RFTN2: variants seen among roughly 807,000 people sequenced by gnomAD.
RFTN2 encodes the protein raftlin family member 2.
In RFTN2, 34 loss-of-function variants were observed where a neutral mutation model predicts 52.7. The ratio of observed to expected loss-of-function variants is 0.64; its 90% confidence interval spans 0.49 to 0.86. RFTN2 has a LOEUF of 0.86. Among genes scored for constraint, RFTN2 ranks in the 40% least tolerant of loss-of-function variants. RFTN2 has a pLI of 0.00. For synonymous variants in RFTN2, 203 were observed against 217.7 expected (o/e 0.93, Z 0.59); for missense variants, 536 against 600.1 (o/e 0.89, Z 1.12).
intron 1 of RFTN2, among the ~76,000 whole-genome samples, chr2:197,650,340 T>C (rs1376562706): frequency 2.0e-5 from 3 of 152,176 alleles, no homozygotes; most frequent in Non-Finnish European, 2.9e-5. Context: ...TTTGACTACA[T>C]TAGATACCTC....
At chr2:197,605,663 C>G (rs928317127) in intron 7 of RFTN2, among the ~76,000 whole-genome samples, 6 of 152,104 alleles carry the variant, frequency 3.9e-5, no homozygotes, top group African/African-American at 1.4e-4. Context: ...CTGCAACGTC[C>G]GCTCCCATGC....
At chr2:197,651,639 C>CA (rs879639944) in intron 1 of RFTN2, among the ~76,000 whole-genome samples, 113 of 150,652 alleles carry the variant, frequency 7.5e-4, no homozygotes, top group Middle Eastern at 6.8e-3. Context: ...ACAAAAACAA[C>CA]AAAAAAAAAG....
Position 197,634,010 on chromosome 2 carries a change from A to G in RFTN2, c.439-13T>C. The G allele has an allele frequency of 6.3e-7, 1 of 1,595,818 alleles. No individual in the cohort carries two copies. The highest frequency in any genetic ancestry group is 1.1e-5 in the South Asian group (1 of 88,760). On this transcript the variant is annotated splice_polypyrimidine_tract_variant and intron_variant, in intron 3 of 8. Transcript: ENST00000295049. Reference sequence around the variant, plus strand: ...CAGCGACATTAATCTGATATTTAAAAAGAGATGGCAGAACAAAATGTAAAC... The same window carrying G: ...CAGCGACATTAATCTGATATTTAAAGAGAGATGGCAGAACAAAATGTAAAC...
intron 7 of RFTN2, among the ~76,000 whole-genome samples, chr2:197,604,773 T>C (rs2087932727): frequency 7.7e-6 from 1 of 130,168 alleles, no homozygotes; most frequent in Admixed American, 8.2e-5. Flanking sequence ...TTTATTTATT[T>C]ATTTTGAGAC....
At chr2:197,622,042 C>T (rs923220417) in intron 5 of RFTN2, among the ~76,000 whole-genome samples, 1 of 152,164 alleles carries the variant, frequency 6.6e-6, no homozygotes, top group African/African-American at 2.4e-5. Context: ...ACAAGCAGTC[C>T]CTTAAGCCAA....
At chr2:197,634,099 T>C (rs1325773284) in intron 3 of RFTN2, 102 bp from the exon 4 acceptor site, 1 of 961,042 alleles carries the variant, frequency 1.0e-6, no homozygotes, top group African/African-American at 1.6e-5. Flanking sequence ...CACTAGAAGA[T>C]GGAGTAACTT....
chr2:197,670,810 C>T (rs1178374121), intron 1 of RFTN2, among the ~76,000 whole-genome samples: 1 of 152,208 alleles, frequency 6.6e-6, no homozygotes, highest in Non-Finnish European at 1.5e-5. Context: ...TGACCACAGA[C>T]GGACTCCCTT....
At chr2:197,637,573 G>A (rs1260979878) in intron 3 of RFTN2, among the ~76,000 whole-genome samples, 1 of 152,160 alleles carries the variant, frequency 6.6e-6, no homozygotes, top group Non-Finnish European at 1.5e-5. Context: ...ATTTCTGTGG[G>A]ATTGGTGGTG....
chr2:197,631,731 C>T (rs1401274246), intron 4 of RFTN2, among the ~76,000 whole-genome samples: 2 of 152,130 alleles, frequency 1.3e-5, no homozygotes, highest in Non-Finnish European at 2.9e-5. Flanking sequence ...TTATTACCAA[C>T]TTTGTATCTC....
At chr2:197,605,942 T>C (rs1360821068) in intron 7 of RFTN2, among the ~76,000 whole-genome samples, 2 of 152,160 alleles carry the variant, frequency 1.3e-5, no homozygotes, top group African/African-American at 4.8e-5. Flanking sequence ...CTTTATTGAT[T>C]CCTCTACCAT....
intron 1 of RFTN2, 104 bp from the exon 2 acceptor site, chr2:197,646,770 C>T: frequency 3.2e-6 from 3 of 950,878 alleles, no homozygotes; most frequent in Non-Finnish European, 4.6e-6. Flanking sequence ...AAGATCTTGG[C>T]CGGGTGCAAT....
intron 1 of RFTN2, among the ~76,000 whole-genome samples, chr2:197,653,234 A>G (rs2088848666): frequency 6.6e-6 from 1 of 152,226 alleles, no homozygotes; most frequent in Non-Finnish European, 1.5e-5. Context: ...TGAATGGATA[A>G]GTAAACTGTT....
At chr2:197,653,872 C>A (rs1321829827) in intron 1 of RFTN2, among the ~76,000 whole-genome samples, 6 of 152,126 alleles carry the variant, frequency 3.9e-5, no homozygotes, top group African/African-American at 9.7e-5. Context: ...TGTCTAAGTA[C>A]ACTTTCACAA....
intron 8 of RFTN2, among the ~76,000 whole-genome samples, chr2:197,576,157 C>T (rs141905926): frequency 0.018 from 2,707 of 151,876 alleles, 38 homozygotes; most frequent in South Asian, 0.028. Flanking sequence ...TCCAGGCATG[C>T]GCCACCTTGC....
intron 7 of RFTN2, among the ~76,000 whole-genome samples, chr2:197,611,964 G>A (rs1453680717): frequency 1.3e-5 from 2 of 152,198 alleles, no homozygotes; most frequent in African/African-American, 4.8e-5. Context: ...TGATTGCACT[G>A]TGGTCTGAGA....
chr2:197,654,755 T>G (rs1439757593), intron 1 of RFTN2, among the ~76,000 whole-genome samples: 1 of 152,124 alleles, frequency 6.6e-6, no homozygotes, highest in East Asian at 1.9e-4. Context: ...CCCAGCACTT[T>G]GGGAGGCCGC....
At chr2:197,635,383 T>A (rs1445244116) in intron 3 of RFTN2, among the ~76,000 whole-genome samples, 1 of 152,206 alleles carries the variant, frequency 6.6e-6, no homozygotes, top group Non-Finnish European at 1.5e-5. Flanking sequence ...TTTCTCCACA[T>A]CCTCTCCAGC....
chr2:197,590,471 C>T (rs886762767), intron 8 of RFTN2, among the ~76,000 whole-genome samples: 15 of 152,108 alleles, frequency 9.9e-5, no homozygotes, highest in Non-Finnish European at 1.6e-4. Flanking sequence ...TCCAATGATA[C>T]GCTTTCTTCA....
chr2:197,604,794 T>A (rs1328693385), intron 7 of RFTN2, among the ~76,000 whole-genome samples: 2 of 152,138 alleles, frequency 1.3e-5, no homozygotes, highest in Non-Finnish European at 2.9e-5. Context: ...AGAGCCTCAC[T>A]CTGTTGCCCA....
Sources: allele counts gnomAD v4.1 joint callset (sites outside exome capture counted in the v4.1 genomes callset), GRCh38; gene constraint gnomAD v4.1.1; transcripts MANE v1.5; gene names NCBI Gene and HGNC (gene_info 2026-07-23, HGNC 2026-07-21).